TAS1R1: variants seen among roughly 807,000 people sequenced by gnomAD.
TAS1R1 encodes the protein taste 1 receptor member 1, also known as taste receptor type 1 member 1.
In TAS1R1, 31 loss-of-function variants were observed where a neutral mutation model predicts 45.8. That is an observed-to-expected ratio of 0.68 (90% CI 0.51 to 0.91). The LOEUF is 0.91. TAS1R1 is among the 40% of genes least tolerant of loss of function. TAS1R1 has a pLI of 0.00. For synonymous variants in TAS1R1, 437 were observed against 448.4 expected (o/e 0.97, Z 0.32); for missense variants, 1,051 against 1,063.9 (o/e 0.99, Z 0.17).
Position 6,578,978 on chromosome 1 carries a change from T to C in TAS1R1, c.1920T>C (p.Leu640=). ...TGCTACGCCAGGCCCTCTTTGCCCT[T>C]GGTTTCACCATCTTCCTGTCCTGCC... is the stretch of plus-strand genomic sequence containing the variant. ...ACLLRQALFA[L]GFTIFLSCLT... Residue 640 remains leucine (L), a synonymous_variant, in exon 6 of 6, where the codon CTT becomes CTC. Transcript: ENST00000333172. 1 of 1,614,198 alleles carries C rather than the reference T, an allele frequency of 6.2e-7. No homozygotes were observed.
intron 1 of TAS1R1, among the ~76,000 whole-genome samples, chr1:6,566,426 T>C (rs1042617709): frequency 7.9e-5 from 12 of 152,136 alleles, no homozygotes; most frequent in Admixed American, 1.3e-4. Context: ...GATTAATGGC[T>C]TGGAGGTCTT....
intron 1 of TAS1R1, among the ~76,000 whole-genome samples, chr1:6,566,381 G>A (rs1380370696): frequency 6.6e-6 from 1 of 152,052 alleles, no homozygotes; most frequent in East Asian, 1.9e-4. Context: ...AGTGTATAGA[G>A]GTTAGGGACT....
In TAS1R1 at chr1:6,576,423, G is replaced by C; in HGVS notation, c.1269G>C (p.Glu423Asp). The C allele has an allele frequency of 1.9e-6, 3 of 1,614,200 alleles. No homozygotes were observed. The highest frequency in any genetic ancestry group is 2.5e-6 in the Non-Finnish European group (3 of 1,180,034). ...ATACGCGTTTCTTTCAGCTTTTGGAGCAGATCCACAAGGTGCATTTCCTTC... is the reference window on the plus strand; with the variant it reads ...ATACGCGTTTCTTTCAGCTTTTGGACCAGATCCACAAGGTGCATTTCCTTC... ...RGRVYPWQLL[E>D]QIHKVHFLLH... Residue 423 changes from glutamate (E) to aspartate (D), a missense_variant, in exon 4 of 6, where the codon GAG (glutamate) becomes GAC (aspartate). Transcript: ENST00000333172.
chr1:6,562,670 G>A (rs888272956), intron 1 of TAS1R1, among the ~76,000 whole-genome samples: 1 of 152,126 alleles, frequency 6.6e-6, no homozygotes, highest in Non-Finnish European at 1.5e-5. Flanking sequence ...CTGCGTTGAC[G>A]GACTTGAGCT....
At chr1:6,567,188 A>G (rs1174812210) in intron 1 of TAS1R1, among the ~76,000 whole-genome samples, 1 of 152,224 alleles carries the variant, frequency 6.6e-6, no homozygotes, top group Admixed American at 6.5e-5. Context: ...CTGGTGGCAC[A>G]TGGACGCGAG....
Position 6,555,307 on chromosome 1 carries a change from C to A in TAS1R1, c.-67C>A, listed in dbSNP as rs1018335140. On this transcript the variant is annotated 5_prime_UTR_variant, in exon 1 of 6. Transcript: ENST00000333172. Reference sequence around the variant, plus strand: ...TTAGGAAGCATCCGGCAGCTGCCTTCTATTTAAGCAACTGGCCTCCTTAGA... The same window carrying A: ...TTAGGAAGCATCCGGCAGCTGCCTTATATTTAAGCAACTGGCCTCCTTAGA... 7 of 1,447,412 alleles carry A rather than the reference C, an allele frequency of 4.8e-6. No homozygotes were observed. In the South Asian group the frequency reaches 9.5e-5, roughly 20 times the overall value. The allele number at this position is 1,447,412 out of a possible 1,614,324, so 89.7% of individuals were successfully genotyped here. A position where few individuals can be genotyped will look rare whatever the true frequency, so the allele number is the denominator to read the frequency against.
rs759936032 is a variant in TAS1R1, at chr1:6,579,284, C to T, written c.2226C>T (p.Ala742=). 3 of 1,614,210 alleles carry T rather than the reference C, an allele frequency of 1.9e-6. No homozygotes were observed. The highest frequency in any genetic ancestry group is 2.5e-6 in the Non-Finnish European group (3 of 1,180,040). Residue 742 remains alanine, a synonymous_variant, in exon 6 of 6, where the codon GCC becomes GCT. Coordinates refer to ENST00000333172, the MANE Select transcript of TAS1R1 (RefSeq NM_138697.4). ...FLYNGLLSIS[A]FACSYLGKDL... ...ACAATGGCCTCCTCTCCATCAGTGCCTTTGCCTGCAGCTACCTGGGTAAGG... is the reference window on the plus strand; with the variant it reads ...ACAATGGCCTCCTCTCCATCAGTGCTTTTGCCTGCAGCTACCTGGGTAAGG...
rs780138368 is a variant in TAS1R1 at position 6,577,060 on chromosome 1, C to T, written c.1584C>T (p.Leu528=). ...TGCCCTGTGGGGCTGGGACCTTCCT[C>T]AACAAGAGTGGTGAGTGGGCAATGG... is the stretch of plus-strand genomic sequence containing the variant. The part of the protein sequence containing the change: ...ECVPCGAGTF[L]NKSDLYRCQP... Residue 528 remains leucine, a synonymous_variant, in exon 5 of 6, where the codon CTC becomes CTT. Coordinates refer to ENST00000333172, the MANE Select transcript of TAS1R1 (RefSeq NM_138697.4). 6.2e-6 allele frequency: 10 copies of T among 1,614,184 alleles called. No homozygotes were observed. The highest frequency in any genetic ancestry group is 8.5e-6 in the Non-Finnish European group (10 of 1,180,006).
rs907931544 is a variant in TAS1R1, at chr1:6,555,397, G to C, written c.24G>C (p.Leu8=). The change falls in exon 1 of 6, where the codon CTG becomes CTC. Residue 8 remains leucine (L), a synonymous_variant. Transcript: ENST00000333172. MLLCTAR[L]VGLQLLISCC... ...GCATGCTGCTCTGCACGGCTCGCCT[G>C]GTCGGCCTGCAGCTTCTCATTTCCT... The C allele has an allele frequency of 1.9e-5, 31 of 1,602,694 alleles. No individual in the cohort carries two copies. The highest frequency in any genetic ancestry group is 2.6e-5 in the Non-Finnish European group (31 of 1,176,100).
intron 3 of TAS1R1, 66 bp downstream of exon 3, chr1:6,575,458 GCACTCTCCGGT>G (rs1640143370): frequency 6.8e-7 from 1 of 1,463,010 alleles, no homozygotes; most frequent in Non-Finnish European, 9.1e-7. Context: ...AGCAGAGTGG[GCACTCTCCGGT>G]CACTCTAAAT....
At position 6,575,296 on chromosome 1, in the gene TAS1R1, C is replaced by T. The variant is rs1018392833; in HGVS notation, c.1164C>T (p.Asn388=). The T allele has an allele frequency of 3.3e-5, 54 of 1,612,960 alleles. No homozygotes were observed. The highest frequency in any genetic ancestry group is 4.0e-5 in the Non-Finnish European group (47 of 1,180,014). ...LKAFSMSSAY[N]AYRAVYAVAH... is the part of the protein sequence containing the mutation. ...CCTTCTCCATGAGTTCTGCCTACAA[C>T]GCATACCGGGCTGTGTATGCGGTGG... Residue 388 remains asparagine (N), a synonymous_variant, in exon 3 of 6, where the codon AAC becomes AAT. Transcript: ENST00000333172.
chr1:6,576,470 T>C lies in TAS1R1; in HGVS notation c.1316T>C (p.Phe439Ser). The change falls in exon 4 of 6, where the codon TTT (phenylalanine) becomes TCT (serine). Residue 439 changes from phenylalanine (F) to serine (S), a missense_variant. By Grantham distance (155) the Phe-to-Ser change is radical (BLOSUM62 -2). Transcript: ENST00000333172. ...CTTCTACACAAGGACACTGTGGCGT[T>C]TAATGACAACAGAGATCCCCTCAGT... ...HFLLHKDTVA[F>S]NDNRDPLSSY... 1 of 1,614,194 alleles carries C rather than the reference T, an allele frequency of 6.2e-7. No individual in the cohort carries two copies. The highest frequency in any genetic ancestry group is 2.2e-5 in the East Asian group (1 of 44,890).
chr1:6,575,213 A>C lies in TAS1R1; in HGVS notation c.1081A>C (p.Asn361His), dbSNP rs1212825234. The change falls in exon 3 of 6, where the codon AAT becomes CAT. Residue 361 changes from asparagine to histidine, a missense_variant. Coordinates refer to ENST00000333172, the MANE Select transcript of TAS1R1 (RefSeq NM_138697.4). The stretch of plus-strand genomic sequence containing the variant: ...CCACAAGGGCTCCTGGTGCAGCAGC[A>C]ATCAGCTCTGCAGAGAATGCCAAGC... ...PCHKGSWCSS[N>H]QLCRECQAFM... 1 of 1,613,020 alleles carries C rather than the reference A, an allele frequency of 6.2e-7. No individual in the cohort carries two copies. Among genetic ancestry groups the C allele is most frequent in the Non-Finnish European group, 8.5e-7 (1 of 1,179,584 alleles).
chr1:6,575,446 T>A, intron 3 of TAS1R1, 54 bp downstream of exon 3: 20 of 1,497,538 alleles, frequency 1.3e-5, no homozygotes, highest in Non-Finnish European at 1.8e-5. Flanking sequence ...AATCCTGAGA[T>A]GAGCAGAGTG....
chr1:6,573,090 T>C (rs532636707), intron 2 of TAS1R1, among the ~76,000 whole-genome samples: 10 of 152,364 alleles, frequency 6.6e-5, no homozygotes, highest in African/African-American at 2.2e-4. Flanking sequence ...GTCCTAAGGC[T>C]TCCCCCTGAT....
rs76637658 is a variant in TAS1R1 at position 6,571,521 on chromosome 1, G to A, written c.498+306G>A. ...CTTCCCTCCTCCCTCCAGAGGTTCC[G>A]TTGCCTTTGTTAGGAATGGACATCC... On this transcript the variant is annotated intron_variant, in intron 2 of 5. Coordinates refer to ENST00000333172, the MANE Select transcript of TAS1R1 (RefSeq NM_138697.4). 6.8e-3 allele frequency among the ~76,000 whole-genome samples: 1,041 copies of A among 152,300 alleles called. 9 individuals are homozygous for A. Among genetic ancestry groups the A allele is most frequent in the East Asian group, 0.036 (188 of 5,180 alleles).
chr1:6,576,449 T>A lies in TAS1R1; in HGVS notation c.1295T>A (p.Leu432Gln), dbSNP rs757471826. 5.0e-6 allele frequency: 8 copies of A among 1,614,246 alleles called. No homozygotes were observed. The highest frequency in any genetic ancestry group is 5.9e-6 in the Non-Finnish European group (7 of 1,180,048). The change falls in exon 4 of 6, where the codon CTA becomes CAA. Residue 432 changes from leucine to glutamine, a missense_variant. By Grantham distance (113) the Leu-to-Gln change is moderately radical (BLOSUM62 -2). Coordinates refer to ENST00000333172, the MANE Select transcript of TAS1R1 (RefSeq NM_138697.4). The part of the protein sequence containing the change: ...LEQIHKVHFL[L>Q]HKDTVAFNDN... The stretch of plus-strand genomic sequence containing the variant: ...CAGATCCACAAGGTGCATTTCCTTC[T>A]ACACAAGGACACTGTGGCGTTTAAT...
intron 1 of TAS1R1, among the ~76,000 whole-genome samples, chr1:6,560,484 C>T (rs1013955016): frequency 3.9e-5 from 6 of 152,200 alleles, no homozygotes; most frequent in East Asian, 1.9e-4. Flanking sequence ...ACTTCCTGGT[C>T]GATGGGCAAA....
chr1:6,576,188 T>G (rs1399676911), intron 3 of TAS1R1, among the ~76,000 whole-genome samples: 1 of 152,200 alleles, frequency 6.6e-6, no homozygotes, highest in African/African-American at 2.4e-5. Context: ...AAGTGTCAAG[T>G]GATAAGATCC....
Sources: gnomAD v4.1 joint callset for allele counts (sites outside exome capture counted in the v4.1 genomes callset) on GRCh38, gnomAD v4.1.1 for gene constraint, MANE v1.5 for transcripts, NCBI Gene and HGNC (gene_info 2026-07-23, HGNC 2026-07-21) for gene names.